The following FARS2 variants were observed in gnomAD, a reference collection of about 807,000 sequenced individuals.
FARS2 encodes the protein phenylalanyl-tRNA synthetase 2, mitochondrial.
In FARS2, 40 loss-of-function variants were observed where a neutral mutation model predicts 46.4. The ratio of observed to expected loss-of-function variants is 0.86; its 90% confidence interval spans 0.67 to 1.12. FARS2 has a LOEUF of 1.12. FARS2 is among the 50% of genes most tolerant of loss of function. The probability of loss-of-function intolerance (pLI) is 0.00; values close to 1 mark genes in which losing one functional copy is unlikely to be tolerated. For synonymous variants in FARS2, 234 were observed against 214.9 expected (o/e 1.09, Z -0.78); for missense variants, 513 against 567.9 (o/e 0.90, Z 0.98).
At chr6:5,547,027 C>G (rs1771072232) in intron 5 of FARS2, among the ~76,000 whole-genome samples, 1 of 152,052 alleles carries the variant, frequency 6.6e-6, no homozygotes, top group Non-Finnish European at 1.5e-5. Flanking sequence ...TCTCAGCTCA[C>G]TGCAACCTCT....
At chr6:5,492,666 T>A (rs1767193944) in intron 4 of FARS2, among the ~76,000 whole-genome samples, 1 of 152,252 alleles carries the variant, frequency 6.6e-6, no homozygotes. Context: ...TCAACAAGTA[T>A]TTATCGAGCC....
intron 1 of FARS2, among the ~76,000 whole-genome samples, chr6:5,304,390 T>C (rs2127538610): frequency 6.6e-6 from 1 of 152,246 alleles, no homozygotes; most frequent in East Asian, 1.9e-4. Context: ...CTAATAACAG[T>C]TAAAGGTATA....
intron 6 of FARS2, among the ~76,000 whole-genome samples, chr6:5,650,911 C>A (rs1049383049): frequency 6.6e-6 from 1 of 152,218 alleles, no homozygotes; most frequent in South Asian, 2.1e-4. Flanking sequence ...CTTTCTGATT[C>A]TTACTGGTTT....
At position 5,340,777 on chromosome 6, in the gene FARS2, A is replaced by G. The variant is rs147342667; in HGVS notation, c.-21-27773A>G. ...TCTGCCCTTCTGCCTGGGTGCTGCT[A>G]TGGTTGTAAATGAATTGGCTGTTGC... On this transcript the variant is annotated intron_variant, in intron 1 of 6. Transcript: ENST00000274680. 4.5e-3 allele frequency among the ~76,000 whole-genome samples: 690 copies of G among 152,076 alleles called. 1 individual carries two copies. The highest frequency in any genetic ancestry group is 0.016 in the African/African-American group (666 of 41,468).
chr6:5,699,898 G>A (rs1291456283), intron 6 of FARS2, among the ~76,000 whole-genome samples: 3 of 152,002 alleles, frequency 2.0e-5, no homozygotes, highest in Non-Finnish European at 2.9e-5. Context: ...ACTATCATGG[G>A]TGAGAATTTG....
chr6:5,407,156 A>G (rs1384477618), intron 3 of FARS2, among the ~76,000 whole-genome samples: 1 of 150,622 alleles, frequency 6.6e-6, no homozygotes, highest in Non-Finnish European at 1.5e-5. Context: ...ATGGGAAATA[A>G]TTTTTTAAAT....
chr6:5,745,648 C>T (rs1444120407), intron 6 of FARS2, among the ~76,000 whole-genome samples: 4 of 152,214 alleles, frequency 2.6e-5, no homozygotes, highest in South Asian at 2.1e-4. Context: ...AAGCAATCCT[C>T]CCACCTCAGC....
rs747848038 is a variant in FARS2 at position 5,545,312 on chromosome 6, C to G, written c.1037C>G (p.Ser346Cys). ...DERFLKQFCV[S>C]NINQKVKFQP... ...CGCTTCCTGAAGCAGTTCTGTGTAT[C>G]CAACATTAATCAGAAGGTGAAGTTT... The change falls in exon 5 of 7, where the codon TCC (serine) becomes TGC (cysteine). Residue 346 changes from serine to cysteine, a missense_variant. Ser to Cys is a moderately radical substitution (Grantham distance 112). Transcript: ENST00000274680. 6.2e-7 allele frequency: 1 copy of G among 1,613,818 alleles called. No individual in the cohort carries two copies. Among genetic ancestry groups the G allele is most frequent in the Non-Finnish European group, 8.5e-7 (1 of 1,179,852 alleles).
Position 5,764,108 on chromosome 6 carries a change from T to C in FARS2, c.1218-7183T>C, listed in dbSNP as rs186900119. Among the ~76,000 whole-genome samples the C allele has an allele frequency of 7.2e-5, 11 of 152,202 alleles. 1 individual carries two copies. Among genetic ancestry groups the C allele is most frequent in the African/African-American group, 2.6e-4 (11 of 41,528 alleles). On this transcript the variant is annotated intron_variant, in intron 6 of 6. Transcript: ENST00000274680. The surrounding 1 kb of genome is among the most constrained non-coding windows in gnomAD (Gnocchi z 4.1). ...CGCCTACTCTGGGTGGCTGGCTCTG[T>C]ATTAACACTCTACACGCCCCCTCAT...
chr6:5,589,519 G>A (rs1285238217), intron 5 of FARS2, among the ~76,000 whole-genome samples: 1 of 152,204 alleles, frequency 6.6e-6, no homozygotes, highest in African/African-American at 2.4e-5. Context: ...CTGCAGCTTC[G>A]CTTTGGCAGT....
At chr6:5,414,386 T>C (rs1364556) in intron 3 of FARS2, among the ~76,000 whole-genome samples, 78,299 of 151,958 alleles carry the variant, frequency 0.52, 20,392 homozygotes, top group South Asian at 0.58. Flanking sequence ...CTTGTGCTCC[T>C]TCACCGTCCC....
In FARS2 at chr6:5,296,643, C is replaced by T. The variant is rs183684422; in HGVS notation, c.-22+34983C>T. Among the ~76,000 whole-genome samples, 3 of 152,328 alleles carry T rather than the reference C, an allele frequency of 2.0e-5. No homozygotes were observed. The East Asian group carries it at 5.8e-4, about 29-fold the overall frequency. On this transcript the variant is annotated intron_variant, in intron 1 of 6. Transcript: ENST00000274680. ...CTTTCTGTCTCTGAATTTAACCACT[C>T]TAGGAACTTCGTATGAGTGGAATCA...
intron 4 of FARS2, among the ~76,000 whole-genome samples, chr6:5,467,309 G>T (rs1414173955): frequency 6.6e-6 from 1 of 152,100 alleles, no homozygotes; most frequent in Non-Finnish European, 1.5e-5. Flanking sequence ...TGCAGTTGGA[G>T]AATGACTTTC....
intron 1 of FARS2, among the ~76,000 whole-genome samples, chr6:5,288,979 A>G (rs1767320418): frequency 2.0e-5 from 3 of 152,220 alleles, no homozygotes. Flanking sequence ...TTCAGCTCTC[A>G]ACATTAGAAT....
chr6:5,674,464 G>C (rs573192237), intron 6 of FARS2, among the ~76,000 whole-genome samples: 19 of 152,288 alleles, frequency 1.2e-4, no homozygotes, highest in South Asian at 1.2e-3. Context: ...AAGGCCACTG[G>C]GAATCGGAAC....
At chr6:5,480,141 C>T (rs1006538292) in intron 4 of FARS2, among the ~76,000 whole-genome samples, 17 of 152,200 alleles carry the variant, frequency 1.1e-4, no homozygotes, top group African/African-American at 3.6e-4. Flanking sequence ...TGGCAGTTGA[C>T]GCAAGGCTGG....
At chr6:5,746,688 CA>C (rs1761664725) in intron 6 of FARS2, among the ~76,000 whole-genome samples, 2 of 152,052 alleles carry the variant, frequency 1.3e-5, no homozygotes, top group African/African-American at 2.4e-5. Flanking sequence ...TTCCTTAGGG[CA>C]AGAGTCAGGT....
chr6:5,739,803 C>T (rs988863875), intron 6 of FARS2, among the ~76,000 whole-genome samples: 3 of 152,198 alleles, frequency 2.0e-5, no homozygotes, highest in African/African-American at 7.2e-5. Context: ...CAAGGTCACA[C>T]AGCCTTTGTG....
chr6:5,592,058 A>T (rs1773948232), intron 5 of FARS2, among the ~76,000 whole-genome samples: 1 of 152,238 alleles, frequency 6.6e-6, no homozygotes, highest in African/African-American at 2.4e-5. Flanking sequence ...GTAGATGCTC[A>T]TATTTTTATA....
Sources: allele counts gnomAD v4.1 joint callset (sites outside exome capture counted in the v4.1 genomes callset), GRCh38; gene constraint gnomAD v4.1.1; non-coding constraint Gnocchi (gnomAD v3.1); transcripts MANE v1.5; gene names NCBI Gene and HGNC (gene_info 2026-07-23, HGNC 2026-07-21).